The following DLGAP2 variants were observed in gnomAD, a reference collection of about 807,000 sequenced individuals.
DLGAP2 encodes the protein disks large-associated protein 2.
Under a neutral mutation model 100.3 loss-of-function variants are expected in DLGAP2, and 26 were observed. The observed-to-expected ratio is 0.26, with a 90% CI of 0.19 to 0.36. The LOEUF (loss-of-function observed/expected upper bound fraction) is 0.36. Among genes scored for constraint, DLGAP2 ranks in the 10% least tolerant of loss-of-function variants. DLGAP2 has a pLI of 1.00. For synonymous variants in DLGAP2, 886 were observed against 630.1 expected (o/e 1.41, Z -6.08); for missense variants, 1,858 against 1,453.2 (o/e 1.28, Z -4.53).
rs549120072 is a variant in DLGAP2 at position 1,090,999 on chromosome 8, C to T, written c.74-167852C>T. On this transcript the variant is annotated intron_variant, in intron 2 of 14. Coordinates refer to ENST00000637795, the MANE Select transcript of DLGAP2 (RefSeq NM_001346810.2). The stretch of plus-strand genomic sequence containing the variant: ...CTTTGGAATTCTAACCTCATCAGAA[C>T]GTTAACTTCAGCTTGAGGGACGTGG... 5.9e-5 allele frequency among the ~76,000 whole-genome samples: 9 copies of T among 152,288 alleles called. No homozygotes were observed. In the East Asian group the frequency reaches 9.7e-4, roughly 16 times the overall value.
intron 3 of DLGAP2, among the ~76,000 whole-genome samples, chr8:1,265,327 G>C (rs1479550380): frequency 6.6e-6 from 1 of 152,192 alleles, no homozygotes; most frequent in African/African-American, 2.4e-5. Flanking sequence ...CCACTCTGTG[G>C]ATATATTATT....
chr8:1,274,079 G>A (rs1799635019), intron 3 of DLGAP2, among the ~76,000 whole-genome samples: 1 of 152,008 alleles, frequency 6.6e-6, no homozygotes, highest in Admixed American at 6.6e-5. Context: ...TGACGGCTCT[G>A]TTCAGCATAT....
At chr8:1,005,665 C>T (rs1801088094) in intron 2 of DLGAP2, among the ~76,000 whole-genome samples, 2 of 151,666 alleles carry the variant, frequency 1.3e-5, no homozygotes, top group South Asian at 4.2e-4. Context: ...AGTGATTCTC[C>T]TGCCTTGGAC....
intron 2 of DLGAP2, among the ~76,000 whole-genome samples, chr8:1,098,387 G>A (rs1804459691): frequency 6.6e-6 from 1 of 152,222 alleles, no homozygotes; most frequent in East Asian, 1.9e-4. Context: ...AACATTCAGG[G>A]ACACCCGACG....
Position 1,702,301 on chromosome 8 carries a change from T to A in DLGAP2, c.*895T>A, listed in dbSNP as rs78882535. 5.9e-5 allele frequency: 9 copies of A among 152,294 alleles called. No homozygotes were observed. Among genetic ancestry groups the A allele is most frequent in the African/African-American group, 1.9e-4 (8 of 41,378 alleles). The allele number at this position is 152,294 out of a possible 1,614,324, so 9.4% of individuals were successfully genotyped here. ...CCATTTACGCTACATGTGATTTTTT[T>A]AATGTATGTATATATATATATTCTC... On this transcript the variant is annotated 3_prime_UTR_variant, in exon 15 of 15. Coordinates refer to ENST00000637795, the MANE Select transcript of DLGAP2 (RefSeq NM_001346810.2).
intron 2 of DLGAP2, among the ~76,000 whole-genome samples, chr8:1,006,180 C>G (rs1325075130): frequency 1.3e-5 from 2 of 152,174 alleles, no homozygotes; most frequent in Non-Finnish European, 2.9e-5. Context: ...CAGAGCGAGA[C>G]ACCATCTCAA....
In DLGAP2 at chr8:1,164,168, CCG is replaced by C. The variant is rs1238255909; in HGVS notation, c.74-94682_74-94681del. Among the ~76,000 whole-genome samples the C allele has an allele frequency of 1.4e-3, 162 of 113,944 alleles. 6 individuals carry two copies. Among genetic ancestry groups the C allele is most frequent in the African/African-American group, 1.9e-3 (55 of 29,004 alleles). The allele number at this position is 113,944 out of a possible 152,430, so 74.8% of individuals were successfully genotyped here. A position where few individuals can be genotyped will look rare whatever the true frequency, so the allele number is the denominator to read the frequency against. The stretch of plus-strand genomic sequence containing the variant: ...GATTTTTCTGTGAGCCCCCCAGGGC[CCG>C]TCATTTTGGTTTGTGGGGATTTTTC... On this transcript the variant is annotated intron_variant, in intron 2 of 14. Coordinates refer to ENST00000637795, the MANE Select transcript of DLGAP2 (RefSeq NM_001346810.2).
intron 2 of DLGAP2, among the ~76,000 whole-genome samples, chr8:1,221,626 A>C (rs1413238369): frequency 1.3e-5 from 2 of 151,980 alleles, no homozygotes; most frequent in South Asian, 2.1e-4. Context: ...AATTTCCTGA[A>C]TTTTCATATC....
intron 3 of DLGAP2, among the ~76,000 whole-genome samples, chr8:1,315,331 G>C (rs1800709850): frequency 6.7e-6 from 1 of 148,250 alleles, no homozygotes; most frequent in Non-Finnish European, 1.5e-5. Flanking sequence ...CTACACTCGA[G>C]AAACTCGGCA....
chr8:1,610,738 C>A (rs1212193508), intron 6 of DLGAP2, among the ~76,000 whole-genome samples: 1 of 145,570 alleles, frequency 6.9e-6, no homozygotes, highest in African/African-American at 2.7e-5. Context: ...ATACAAACTA[C>A]CATCAGAGAA....
At chr8:1,547,191 C>G (rs1801571666) in intron 4 of DLGAP2, among the ~76,000 whole-genome samples, 1 of 152,154 alleles carries the variant, frequency 6.6e-6, no homozygotes, top group Non-Finnish European at 1.5e-5. Context: ...GGCTCGGCAG[C>G]TCCTCTGGTC....
At chr8:792,561 C>G (rs570853406) in intron 1 of DLGAP2, among the ~76,000 whole-genome samples, 59 of 152,250 alleles carry the variant, frequency 3.9e-4, no homozygotes, top group African/African-American at 1.4e-3. Flanking sequence ...TCCCCTTAAT[C>G]GTATTTTACA....
At chr8:1,210,606 G>C (rs952688814) in intron 2 of DLGAP2, among the ~76,000 whole-genome samples, 2 of 152,204 alleles carry the variant, frequency 1.3e-5, no homozygotes, top group African/African-American at 4.8e-5. Context: ...GTATGGCATG[G>C]AGGGGCTCCC....
chr8:1,618,702 C>G (rs574552914), intron 6 of DLGAP2, among the ~76,000 whole-genome samples: 3 of 152,148 alleles, frequency 2.0e-5, no homozygotes, highest in African/African-American at 7.2e-5. Context: ...AGAAAAGGGT[C>G]TCTCAGCCTC....
At chr8:1,371,980 T>C (rs1327839051) in intron 3 of DLGAP2, among the ~76,000 whole-genome samples, 2 of 152,220 alleles carry the variant, frequency 1.3e-5, no homozygotes, top group African/African-American at 2.4e-5. Flanking sequence ...CTTATGAACA[T>C]AGACTTGGCA....
intron 8 of DLGAP2, among the ~76,000 whole-genome samples, chr8:1,655,843 A>G (rs2130817042): frequency 6.6e-6 from 1 of 152,342 alleles, no homozygotes; most frequent in South Asian, 2.1e-4. Flanking sequence ...ATGTCCAGAC[A>G]TGGCCTCTTC....
chr8:1,455,609 T>G (rs981149225), intron 3 of DLGAP2, among the ~76,000 whole-genome samples: 1 of 152,200 alleles, frequency 6.6e-6, no homozygotes, highest in African/African-American at 2.4e-5. Flanking sequence ...GCGCACCTCA[T>G]CTTTGAGCTT....
chr8:842,506 C>T (rs1033857685), intron 1 of DLGAP2, among the ~76,000 whole-genome samples: 49 of 152,178 alleles, frequency 3.2e-4, no homozygotes, highest in African/African-American at 7.5e-4. Context: ...TGCTCAGTAA[C>T]GGTATTATTA....
intron 6 of DLGAP2, among the ~76,000 whole-genome samples, chr8:1,593,280 C>T (rs1038584765): frequency 1.4e-4 from 21 of 151,936 alleles, no homozygotes; most frequent in African/African-American, 5.1e-4. Flanking sequence ...CGGTGCAACC[C>T]CGTCTCTACT....
Sources: allele counts gnomAD v4.1 joint callset (sites outside exome capture counted in the v4.1 genomes callset), GRCh38; gene constraint gnomAD v4.1.1; transcripts MANE v1.5; gene names NCBI Gene and HGNC (gene_info 2026-07-23, HGNC 2026-07-21).